Variants in OPCML observed in about 807,000 individuals in gnomAD.
OPCML encodes the protein opioid-binding protein/cell adhesion molecule.
A neutral mutation model predicts 37.8 loss-of-function variants in OPCML; 13 were observed. The ratio of observed to expected loss-of-function variants is 0.34; its 90% confidence interval spans 0.22 to 0.55. The LOEUF (loss-of-function observed/expected upper bound fraction) is 0.55. Ranked by LOEUF, OPCML falls within the 20% of genes least tolerant of loss-of-function variation. OPCML has a pLI of 0.91. For missense variants in OPCML, 341 were observed against 435.6 expected (o/e 0.78, Z 1.93); for synonymous variants, 176 against 168.8 (o/e 1.04, Z -0.33).
At chr11:132,800,384 A>T (rs536324219) in intron 2 of OPCML, among the ~76,000 whole-genome samples, 36 of 152,240 alleles carry the variant, frequency 2.4e-4, no homozygotes, top group Admixed American at 2.4e-3. Flanking sequence ...CTGAATTTTT[A>T]AATTTGTTTA....
At chr11:133,199,362 A>G (rs1314838133) in intron 1 of OPCML, among the ~76,000 whole-genome samples, 1 of 152,206 alleles carries the variant, frequency 6.6e-6, no homozygotes, top group Admixed American at 6.5e-5. Context: ...CTTATAAGTA[A>G]TAAATTATTT....
At chr11:133,456,690 T>A (rs1333470520) in intron 1 of OPCML, among the ~76,000 whole-genome samples, 2 of 150,706 alleles carry the variant, frequency 1.3e-5, no homozygotes, top group Admixed American at 6.6e-5. Context: ...AAAAGATATA[T>A]GAACAAAATA....
intron 1 of OPCML, among the ~76,000 whole-genome samples, chr11:133,082,167 G>A (rs1948731996): frequency 6.6e-6 from 1 of 151,742 alleles, no homozygotes; most frequent in African/African-American, 2.4e-5. Flanking sequence ...CCGGGCCTGG[G>A]CCTCCGCCTC....
chr11:133,431,549 T>G (rs1280895733), intron 1 of OPCML, among the ~76,000 whole-genome samples: 1 of 152,032 alleles, frequency 6.6e-6, no homozygotes, highest in Non-Finnish European at 1.5e-5. Flanking sequence ...CACCGCAACC[T>G]CCGCCTCCTG....
At chr11:133,216,848 A>G (rs1939605247) in intron 1 of OPCML, among the ~76,000 whole-genome samples, 2 of 152,246 alleles carry the variant, frequency 1.3e-5, no homozygotes, top group Non-Finnish European at 1.5e-5. Flanking sequence ...ATATGTAAAT[A>G]TATGTGCTCA....
At chr11:132,430,726 G>T (rs1335736263) in intron 7 of OPCML, among the ~76,000 whole-genome samples, 1 of 152,196 alleles carries the variant, frequency 6.6e-6, no homozygotes, top group Non-Finnish European at 1.5e-5. Flanking sequence ...TAAAATGTGA[G>T]AAATTTGTTT....
chr11:132,928,671 T>G (rs1362538377), intron 2 of OPCML, among the ~76,000 whole-genome samples: 3 of 151,958 alleles, frequency 2.0e-5, no homozygotes, highest in African/African-American at 4.8e-5. Context: ...GAAAACACAT[T>G]TTTCTCAAGT....
intron 3 of OPCML, among the ~76,000 whole-genome samples, chr11:132,639,313 G>A (rs535164334): frequency 6.6e-6 from 1 of 152,310 alleles, no homozygotes; most frequent in East Asian, 1.9e-4. Context: ...GCTTGCCAGA[G>A]GCATGCTCTC....
At chr11:132,897,931 G>T (rs941404992) in intron 2 of OPCML, among the ~76,000 whole-genome samples, 3 of 152,206 alleles carry the variant, frequency 2.0e-5, no homozygotes, top group African/African-American at 7.2e-5. Context: ...CTCACCCAAA[G>T]ATGAGCTCCA....
At chr11:132,489,554 A>G (rs908027468) in intron 4 of OPCML, among the ~76,000 whole-genome samples, 1 of 152,214 alleles carries the variant, frequency 6.6e-6, no homozygotes, top group Non-Finnish European at 1.5e-5. Flanking sequence ...CCAGGAACAT[A>G]TGAGTAAAGC....
At chr11:132,881,737 A>G (rs1943232740) in intron 2 of OPCML, among the ~76,000 whole-genome samples, 1 of 152,242 alleles carries the variant, frequency 6.6e-6, no homozygotes, top group South Asian at 2.1e-4. Context: ...TTTTCAAATC[A>G]GCCTAAACTG....
intron 1 of OPCML, among the ~76,000 whole-genome samples, chr11:133,491,243 G>A (rs1262599829): frequency 6.6e-6 from 1 of 152,148 alleles, no homozygotes; most frequent in Non-Finnish European, 1.5e-5. Flanking sequence ...CCCTTGCTGG[G>A]CTTGCCAGGG....
Position 133,462,935 on chromosome 11 carries a change from T to C in OPCML, c.61+69329A>G, listed in dbSNP as rs921330987. On this transcript the variant is annotated intron_variant, in intron 1 of 7. Coordinates refer to ENST00000524381, the MANE Select transcript of OPCML (RefSeq NM_001012393.5). ...AGCCAAAAGGTGGAAGCAACTCAGG[T>C]GTCCGCTGATGAATAAGTGGATAAA... Among the ~76,000 whole-genome samples the C allele has an allele frequency of 3.4e-4, 52 of 152,082 alleles. 1 individual carries two copies. Among genetic ancestry groups the C allele is most frequent in the African/African-American group, 1.1e-3 (46 of 41,532 alleles).
chr11:132,462,010 C>A (rs990678280), intron 4 of OPCML, among the ~76,000 whole-genome samples: 3 of 152,126 alleles, frequency 2.0e-5, no homozygotes, highest in Non-Finnish European at 4.4e-5. Flanking sequence ...AGAACTAAAC[C>A]ATATCAAGCT....
chr11:133,067,346 A>G (rs1015456035), intron 1 of OPCML: 1 of 152,214 alleles, frequency 6.6e-6, no homozygotes, highest in Non-Finnish European at 1.5e-5. Context: ...CCCACTGCCA[A>G]TCACTCTTCA....
At chr11:133,136,025 G>C (rs1357385072) in intron 1 of OPCML, among the ~76,000 whole-genome samples, 2 of 152,230 alleles carry the variant, frequency 1.3e-5, no homozygotes, top group South Asian at 4.2e-4. Flanking sequence ...CTGATAGTTC[G>C]TTCTTCACCC....
At chr11:132,893,506 G>A (rs760624340) in intron 2 of OPCML, among the ~76,000 whole-genome samples, 6 of 152,032 alleles carry the variant, frequency 3.9e-5, no homozygotes, top group Admixed American at 1.3e-4. Context: ...CCTCCATCTA[G>A]TCTAGAGGTG....
At chr11:132,570,896 A>C (rs2096436833) in intron 3 of OPCML, among the ~76,000 whole-genome samples, 1 of 149,670 alleles carries the variant, frequency 6.7e-6, no homozygotes, top group Non-Finnish European at 1.5e-5. Context: ...ATTAGGTGTC[A>C]ACTCAATTGG....
At chr11:132,727,527 C>T (rs910366119) in intron 2 of OPCML, among the ~76,000 whole-genome samples, 5 of 152,314 alleles carry the variant, frequency 3.3e-5, no homozygotes, top group African/African-American at 1.2e-4. Context: ...CCCAGCTGCT[C>T]TCCTGGCACA....
Sources: gnomAD v4.1 joint callset for allele counts (sites outside exome capture counted in the v4.1 genomes callset) on GRCh38, gnomAD v4.1.1 for gene constraint, MANE v1.5 for transcripts, NCBI Gene and HGNC (gene_info 2026-07-23, HGNC 2026-07-21) for gene names.